ASNS: variants seen among roughly 807,000 people sequenced by gnomAD.
ASNS encodes asparagine synthetase (glutamine-hydrolyzing), also known as asparagine synthetase [glutamine-hydrolyzing].
In ASNS, 37 loss-of-function variants were observed where a neutral mutation model predicts 62.6. The observed-to-expected ratio is 0.59, with a 90% CI of 0.45 to 0.78. The LOEUF is 0.78. Among genes scored for constraint, ASNS ranks in the 30% least tolerant of loss-of-function variants. The pLI is 0.00. For synonymous variants in ASNS, 207 were observed against 237.9 expected (o/e 0.87, Z 1.19); for missense variants, 520 against 682.4 (o/e 0.76, Z 2.65).
the ASNS span, among the ~76,000 whole-genome samples, chr7:97,914,205 TGGA>T: frequency 2.7e-5 from 4 of 146,106 alleles, no homozygotes. Context: ...GATGGATGGA[TGGA>T]ATGGTGGATA....
the ASNS span, among the ~76,000 whole-genome samples, chr7:97,878,452 T>A: frequency 4.6e-5 from 7 of 152,038 alleles, no homozygotes; most frequent in Non-Finnish European, 1.0e-4. Flanking sequence ...CAGCAAAGTC[T>A]CAGGATAAAA....
the ASNS span, among the ~76,000 whole-genome samples, chr7:97,927,071 CTTT>C: frequency 7.9e-3 from 320 of 40,390 alleles, no homozygotes; most frequent in Admixed American, 0.014. Flanking sequence ...CCACACCTGG[CTTT>C]TTTTTTTTTT....
intron 1 of ASNS, chr7:97,870,345 GTT>G: frequency 2.7e-6 from 1 of 376,578 alleles, no homozygotes; most frequent in Non-Finnish European, 4.8e-6. Flanking sequence ...CTATTTTGGT[GTT>G]TTTTTTAAAA....
the ASNS span, among the ~76,000 whole-genome samples, chr7:97,924,298 A>AG: frequency 2.0e-5 from 3 of 152,114 alleles, no homozygotes; most frequent in Admixed American, 6.5e-5. Flanking sequence ...ACTTTCGGCC[A>AG]GGGGGGGATG....
chr7:97,896,735 CACACACATATATATAT>C, the ASNS span, among the ~76,000 whole-genome samples: 4 of 24,936 alleles, frequency 1.6e-4, no homozygotes, highest in Admixed American at 7.2e-4. Context: ...CACACACACA[CACACACATATATATAT>C]ATATATATAT....
At chr7:97,899,000 T>A in the ASNS span, 1 of 728,832 alleles carries the variant, frequency 1.4e-6, no homozygotes, top group South Asian at 1.4e-5. Flanking sequence ...ATATTTCTTA[T>A]ATTGAACATA....
rs1791601785 is a variant in ASNS at position 97,859,243 on chromosome 7, G to T, written c.643C>A (p.Leu215Ile). The T allele has an allele frequency of 2.5e-6, 4 of 1,613,710 alleles. No individual in the cohort carries two copies. Among genetic ancestry groups the T allele is most frequent in the Non-Finnish European group, 1.7e-6 (2 of 1,179,840 alleles). The change falls in exon 5 of 13, where the codon CTC becomes ATC. Residue 215 changes from leucine (L) to isoleucine (I), a missense_variant. Physicochemically the swap from Leu to Ile is conservative, Grantham distance 5. Coordinates refer to ENST00000394308, the MANE Select transcript of ASNS (RefSeq NM_001673.5). ...AAGAGTTTCTCCACATTGTCATAGA[G>T]GGCGTGCAGGGGTACATCCCGACAG... ...HHCRDVPLHA[L>I]YDNVEKLFPG... is the part of the protein sequence containing the mutation.
intron 9 of ASNS, 96 bp downstream of exon 9, chr7:97,855,257 A>G: frequency 1.1e-6 from 1 of 886,948 alleles, no homozygotes; most frequent in Non-Finnish European, 1.8e-6. Flanking sequence ...GATACTCAAA[A>G]ATATCACTGT....
At chr7:97,912,120 G>T in the ASNS span, among the ~76,000 whole-genome samples, 1 of 152,178 alleles carries the variant, frequency 6.6e-6, no homozygotes, top group Non-Finnish European at 1.5e-5. Flanking sequence ...GCGCAATGCA[G>T]CCTATTTTAC....
At chr7:97,903,400 G>A in the ASNS span, among the ~76,000 whole-genome samples, 1 of 151,976 alleles carries the variant, frequency 6.6e-6, no homozygotes. Context: ...TGGGAATTTT[G>A]TACACACCTA....
the ASNS span, among the ~76,000 whole-genome samples, chr7:97,922,567 G>A: frequency 2.6e-5 from 4 of 152,098 alleles, no homozygotes; most frequent in Admixed American, 6.5e-5. Flanking sequence ...AAATCACTAA[G>A]AGAGCAGATT....
the ASNS span, among the ~76,000 whole-genome samples, chr7:97,924,973 C>G: frequency 2.5e-4 from 38 of 152,060 alleles, no homozygotes; most frequent in African/African-American, 8.9e-4. Context: ...CCCATCTCTA[C>G]TAAAAATACA....
At chr7:97,898,957 G>T in the ASNS span, 2 of 844,962 alleles carry the variant, frequency 2.4e-6, no homozygotes, top group Non-Finnish European at 4.0e-6. Context: ...ATGCAATTTG[G>T]GTTCCTTGGG....
chr7:97,891,596 G>A, the ASNS span, among the ~76,000 whole-genome samples: 6 of 152,214 alleles, frequency 3.9e-5, no homozygotes, highest in African/African-American at 1.4e-4. Context: ...TATAGGCATT[G>A]GGTAAACACA....
At chr7:97,877,000 T>C (rs1792452976), upstream of ASNS, among the ~76,000 whole-genome samples, 1 of 152,134 alleles carries the variant, frequency 6.6e-6, no homozygotes, top group Non-Finnish European at 1.5e-5. Flanking sequence ...ACAAATGGGG[T>C]TAAAGCATCC....
At chr7:97,870,239 G>A in intron 1 of ASNS, 1 of 825,550 alleles carries the variant, frequency 1.2e-6, no homozygotes. Flanking sequence ...TACGAAGATT[G>A]TACACAGAGG....
the ASNS span, among the ~76,000 whole-genome samples, chr7:97,878,883 G>A: frequency 6.6e-6 from 1 of 152,134 alleles, no homozygotes; most frequent in African/African-American, 2.4e-5. Flanking sequence ...CACGCTACCT[G>A]ACTTCAAACT....
the ASNS span, among the ~76,000 whole-genome samples, chr7:97,889,359 A>C: frequency 1.3e-5 from 2 of 152,202 alleles, no homozygotes; most frequent in Non-Finnish European, 2.9e-5. Flanking sequence ...TCTACTAAAA[A>C]TACAAAAATT....
intron 3 of ASNS, among the ~76,000 whole-genome samples, chr7:97,865,645 A>G (rs201352702): frequency 6.6e-6 from 1 of 152,184 alleles, no homozygotes; most frequent in East Asian, 1.9e-4. Flanking sequence ...TTTCTGTGTT[A>G]TAAGTGTTTC....
Sources: allele counts gnomAD v4.1 joint callset (sites outside exome capture counted in the v4.1 genomes callset), GRCh38; gene constraint gnomAD v4.1.1; transcripts MANE v1.5; gene names NCBI Gene and HGNC (gene_info 2026-07-23, HGNC 2026-07-21).